Variants in AKIRIN2 observed in about 807,000 individuals in gnomAD.
AKIRIN2 encodes the protein akirin-2.
A neutral mutation model predicts 29.3 loss-of-function variants in AKIRIN2; 6 were observed. That is an observed-to-expected ratio of 0.20 (90% confidence interval 0.11 to 0.40). The LOEUF (loss-of-function observed/expected upper bound fraction) is 0.40, where lower values mean the gene tolerates loss of function less well. Ranked by LOEUF, AKIRIN2 falls within the 10% of genes least tolerant of loss-of-function variation. The pLI is 1.00. For synonymous variants in AKIRIN2, 128 were observed against 117.5 expected, an observed-to-expected ratio of 1.09 and a Z score of -0.58; for missense variants, 210 against 276.1, an observed-to-expected ratio of 0.76 and a Z score of 1.70.
At chr6:87,694,204 G>A (rs1294524328) in intron 1 of AKIRIN2, among the ~76,000 whole-genome samples, 2 of 152,190 alleles carry the variant, frequency 1.3e-5, no homozygotes, top group Middle Eastern at 3.4e-3. Flanking sequence ...TAACCAAAGT[G>A]AGAATACACA....
At position 87,675,581 on chromosome 6, in the gene AKIRIN2, A is replaced by T; in HGVS notation, c.*16T>A. 1 of 1,614,118 alleles carries T rather than the reference A, an allele frequency of 6.2e-7. No homozygotes were observed. Among genetic ancestry groups the T allele is most frequent in the Non-Finnish European group, 8.5e-7 (1 of 1,179,952 alleles). On this transcript the variant is annotated 3_prime_UTR_variant, in exon 5 of 5. Coordinates refer to ENST00000257787, the MANE Select transcript of AKIRIN2 (RefSeq NM_018064.4). The stretch of plus-strand genomic sequence containing the variant: ...CAACAAGGAACAAGGCAGCCCACAA[A>T]TGCAGGATACGTGATTCATGAAACA...
At chr6:87,699,059 C>T (rs1454153558) in intron 1 of AKIRIN2, among the ~76,000 whole-genome samples, 4 of 152,174 alleles carry the variant, frequency 2.6e-5, no homozygotes, top group Non-Finnish European at 4.4e-5. Context: ...ACAAGTTTGC[C>T]AATCTCAATT....
At chr6:87,687,930 C>T (rs963672111) in intron 1 of AKIRIN2, among the ~76,000 whole-genome samples, 1 of 152,120 alleles carries the variant, frequency 6.6e-6, no homozygotes, top group Non-Finnish European at 1.5e-5. Flanking sequence ...GAGTTGGAGA[C>T]GAGCCTGAGC....
At chr6:87,691,781 A>C (rs949587373) in intron 1 of AKIRIN2, among the ~76,000 whole-genome samples, 4 of 152,234 alleles carry the variant, frequency 2.6e-5, no homozygotes, top group African/African-American at 9.6e-5. Flanking sequence ...GGACTGATTG[A>C]GTGTCATGGA....
At chr6:87,686,746 T>C (rs776140804) in intron 1 of AKIRIN2, among the ~76,000 whole-genome samples, 1 of 151,970 alleles carries the variant, frequency 6.6e-6, no homozygotes, top group East Asian at 1.9e-4. Flanking sequence ...AACAATGGAA[T>C]TGAAAAAGAA....
chr6:87,693,471 T>C (rs937147027), intron 1 of AKIRIN2, among the ~76,000 whole-genome samples: 2 of 152,216 alleles, frequency 1.3e-5, no homozygotes, highest in African/African-American at 4.8e-5. Context: ...GGCTCACGCC[T>C]GTAATCCCAG....
intron 1 of AKIRIN2, among the ~76,000 whole-genome samples, chr6:87,683,706 T>G (rs976157295): frequency 2.0e-5 from 3 of 152,262 alleles, no homozygotes; most frequent in Non-Finnish European, 4.4e-5. Flanking sequence ...CAGACTGGAG[T>G]GCAGTGGCGT....
intron 1 of AKIRIN2, among the ~76,000 whole-genome samples, chr6:87,690,605 C>T (rs1455228614): frequency 2.0e-5 from 3 of 152,140 alleles, no homozygotes; most frequent in East Asian, 1.9e-4. Context: ...AATTCATATT[C>T]GTCATTATGT....
chr6:87,678,479 G>C (rs1048869253), intron 2 of AKIRIN2, among the ~76,000 whole-genome samples: 1 of 152,014 alleles, frequency 6.6e-6, no homozygotes, highest in African/African-American at 2.4e-5. Context: ...TCCAGCCTGG[G>C]CAAAGAGAGT....
At position 87,701,656 on chromosome 6, in the gene AKIRIN2, G is replaced by C; in HGVS notation, c.29C>G (p.Thr10Ser). The C allele has an allele frequency of 6.8e-7, 1 of 1,468,210 alleles. No individual in the cohort carries two copies. The highest frequency in any genetic ancestry group is 9.0e-7 in the Non-Finnish European group (1 of 1,114,068). The allele number at this position is 1,468,210 out of a possible 1,614,324, so 90.9% of individuals were successfully genotyped here. ...GCTCAACAGCGGGTCGAAATCCAGAGTCCTTTTCAGAGTGGCTCCGCACGC... is the reference window on the plus strand; with the variant it reads ...GCTCAACAGCGGGTCGAAATCCAGACTCCTTTTCAGAGTGGCTCCGCACGC... MACGATLKR[T>S]LDFDPLLSPA... is the part of the protein sequence containing the mutation. The change falls in exon 1 of 5, where the codon ACT (threonine) becomes AGT (serine). Residue 10 changes from threonine to serine, a missense_variant. By Grantham distance (58) the Thr-to-Ser change is moderately conservative (BLOSUM62 1). Coordinates refer to ENST00000257787, the MANE Select transcript of AKIRIN2 (RefSeq NM_018064.4).
At chr6:87,677,511 T>C (rs770739075) in intron 3 of AKIRIN2, among the ~76,000 whole-genome samples, 42 of 152,174 alleles carry the variant, frequency 2.8e-4, no homozygotes, top group Non-Finnish European at 5.9e-4. Flanking sequence ...ACATTGATGG[T>C]AACGTTATGA....
chr6:87,697,112 C>G (rs1385816183), intron 1 of AKIRIN2, among the ~76,000 whole-genome samples: 3 of 151,706 alleles, frequency 2.0e-5, no homozygotes, highest in African/African-American at 7.3e-5. Context: ...AGTTCAAGAC[C>G]AGCCATGCCA....
rs1771476710 is a variant in AKIRIN2 at position 87,701,974 on chromosome 6, T to TC, written c.-291dup. The TC allele has an allele frequency of 2.6e-6, 1 of 391,640 alleles. No individual in the cohort carries two copies. Among genetic ancestry groups the TC allele is most frequent in the Non-Finnish European group, 4.5e-6 (1 of 223,340 alleles). The allele number at this position is 391,640 out of a possible 1,614,324, so 24.3% of individuals were successfully genotyped here. A position where few individuals can be genotyped will look rare whatever the true frequency, so the allele number is the denominator to read the frequency against. On this transcript the variant is annotated 5_prime_UTR_variant, in exon 1 of 5. Transcript: ENST00000257787. ...GTTCTTCCGCCTCCTCAGGCGCGGC[T>TC]CCCCCGAGAGAGGCTCCGGCCGCCC...
chr6:87,690,238 C>A (rs2787920), intron 1 of AKIRIN2, among the ~76,000 whole-genome samples: 42,852 of 150,356 alleles, frequency 0.29, 7,830 homozygotes, highest in African/African-American at 0.53. Flanking sequence ...ACAAAAAAAA[C>A]CAACTCTTAA....
chr6:87,684,464 G>GT (rs1424021548), intron 1 of AKIRIN2, among the ~76,000 whole-genome samples: 2 of 152,060 alleles, frequency 1.3e-5, no homozygotes, highest in Non-Finnish European at 2.9e-5. Flanking sequence ...TGGAACTAAC[G>GT]TAACTATGAT....
intron 1 of AKIRIN2, among the ~76,000 whole-genome samples, chr6:87,693,259 A>G (rs1044762820): frequency 2.6e-5 from 4 of 151,860 alleles, no homozygotes; most frequent in South Asian, 2.1e-4. Context: ...ACCAAAATGA[A>G]GCATAACTCT....
chr6:87,688,859 G>T (rs1487948646), intron 1 of AKIRIN2, among the ~76,000 whole-genome samples: 1 of 152,166 alleles, frequency 6.6e-6, no homozygotes, highest in African/African-American at 2.4e-5. Flanking sequence ...CAAGGCAGAA[G>T]GTTCAGCTTC....
intron 1 of AKIRIN2, 92 bp downstream of exon 1, chr6:87,701,358 G>A (rs1174155476): frequency 7.4e-6 from 10 of 1,342,470 alleles, no homozygotes; most frequent in Non-Finnish European, 9.9e-6. Flanking sequence ...CACACAGTCC[G>A]GCACCCCCAC....
chr6:87,682,888 C>T (rs1274650400), intron 1 of AKIRIN2, among the ~76,000 whole-genome samples: 3 of 151,904 alleles, frequency 2.0e-5, no homozygotes, highest in East Asian at 1.9e-4. Flanking sequence ...GCCAAGAGTT[C>T]GAGACCAGCC....
Sources: gnomAD v4.1 joint callset for allele counts (sites outside exome capture counted in the v4.1 genomes callset) on GRCh38, gnomAD v4.1.1 for gene constraint, MANE v1.5 for transcripts, NCBI Gene and HGNC (gene_info 2026-07-23, HGNC 2026-07-21) for gene names.